Variants in TEX35 observed in about 807,000 individuals in gnomAD.
The protein encoded by TEX35 is testis-expressed protein 35.
Under a neutral mutation model 31.9 loss-of-function variants are expected in TEX35, and 26 were observed. That is an observed-to-expected ratio of 0.81 (90% CI 0.60 to 1.13). The LOEUF is 1.13. Among genes scored for constraint, TEX35 ranks in the 50% most tolerant of loss-of-function variants. TEX35 has a pLI of 0.00. For missense variants in TEX35, 278 were observed against 273.5 expected (o/e 1.02, Z -0.12); for synonymous variants, 87 against 90.7 (o/e 0.96, Z 0.23).
chr1:178,522,457 T>C lies in TEX35; in HGVS notation c.*17T>C. 6.4e-7 allele frequency: 1 copy of C among 1,574,292 alleles called. No homozygotes were observed. The highest frequency in any genetic ancestry group is 8.6e-7 in the Non-Finnish European group (1 of 1,157,702). ...GGAAGGTGAAGCTTAACTGCCAGCTTGAAATGAGAGTAAAGAAGATACAGA... is the reference window on the plus strand; with the variant it reads ...GGAAGGTGAAGCTTAACTGCCAGCTCGAAATGAGAGTAAAGAAGATACAGA... On this transcript the variant is annotated 3_prime_UTR_variant, in exon 9 of 9. Coordinates refer to ENST00000319416, the MANE Select transcript of TEX35 (RefSeq NM_032126.5).
At position 178,522,578 on chromosome 1, in the gene TEX35, A is replaced by T; in HGVS notation, c.*138A>T. 1 of 1,337,308 alleles carries T rather than the reference A, an allele frequency of 7.5e-7. No individual in the cohort carries two copies. The highest frequency in any genetic ancestry group is 9.6e-7 in the Non-Finnish European group (1 of 1,041,190). 82.8% of individuals were successfully genotyped at this position (1,337,308 alleles called of 1,614,324 possible). On this transcript the variant is annotated 3_prime_UTR_variant, in exon 9 of 9. Coordinates refer to ENST00000319416, the MANE Select transcript of TEX35 (RefSeq NM_032126.5). ...GATGGGATTTCATATTTTATTTCAC[A>T]CCAGTTCCTCCTTGTTTCATCTCTT...
At chr1:178,517,939 G>T (rs140318431) in intron 5 of TEX35, among the ~76,000 whole-genome samples, 3 of 152,072 alleles carry the variant, frequency 2.0e-5, no homozygotes, top group African/African-American at 7.2e-5. Context: ...TTTTTTAAAA[G>T]AATTATGACA....
chr1:178,520,804 A>G lies in TEX35; in HGVS notation c.473A>G (p.Lys158Arg). 1 of 1,614,152 alleles carries G rather than the reference A, an allele frequency of 6.2e-7. No individual in the cohort carries two copies. The highest frequency in any genetic ancestry group is 8.5e-7 in the Non-Finnish European group (1 of 1,180,032). Residue 158 changes from lysine to arginine, a missense_variant, in exon 7 of 9, where the codon AAG (lysine) becomes AGG (arginine). Physicochemically the swap from Lys to Arg is conservative, Grantham distance 26. Coordinates refer to ENST00000319416, the MANE Select transcript of TEX35 (RefSeq NM_032126.5). ...GVNGAPCALH[K>R]KTMAPQKTKQ... ...AATGGAGCACCCTGTGCTCTTCACA[A>G]GAAGACGATGGCACCACAAAAAACA...
intron 5 of TEX35, among the ~76,000 whole-genome samples, chr1:178,519,200 A>T (rs1220646996): frequency 6.6e-6 from 1 of 152,160 alleles, no homozygotes; most frequent in Non-Finnish European, 1.5e-5. Flanking sequence ...GTAGGGAAAG[A>T]AGGAAGAGAT....
intron 5 of TEX35, among the ~76,000 whole-genome samples, chr1:178,520,062 C>G (rs1214403378): frequency 6.6e-6 from 1 of 152,146 alleles, no homozygotes; most frequent in Non-Finnish European, 1.5e-5. Flanking sequence ...ATTTTATAGG[C>G]ATCAAACCAA....
downstream of TEX35, chr1:178,523,497 A>T: frequency 2.1e-6 from 1 of 465,296 alleles, no homozygotes; most frequent in East Asian, 3.5e-5. Flanking sequence ...TGCTTCAGAT[A>T]AATATTTAAA....
intron 2 of TEX35, 88 bp from the exon 3 acceptor site, chr1:178,514,612 C>G (rs984437747): frequency 2.2e-6 from 3 of 1,345,746 alleles, no homozygotes; most frequent in Non-Finnish European, 3.1e-6. Flanking sequence ...AAGGGAGGAA[C>G]AGAAACACAG....
intron 2 of TEX35, among the ~76,000 whole-genome samples, chr1:178,514,410 G>C (rs1368982425): frequency 1.3e-5 from 2 of 152,186 alleles, no homozygotes; most frequent in African/African-American, 4.8e-5. Flanking sequence ...GGCAGAGTAA[G>C]AGCCTTCTAG....
chr1:178,513,872 G>A (rs1649966192), intron 1 of TEX35, among the ~76,000 whole-genome samples, 155 bp from the exon 2 acceptor site: 1 of 152,262 alleles, frequency 6.6e-6, no homozygotes, highest in East Asian at 1.9e-4. Context: ...GGATCCGGGT[G>A]CTGCGGGGTC....
intron 1 of TEX35, 84 bp from the exon 2 acceptor site, chr1:178,513,943 G>C (rs1383634972): frequency 2.6e-6 from 4 of 1,515,186 alleles, no homozygotes; most frequent in Non-Finnish European, 3.6e-6. Context: ...GGGGCAGGGG[G>C]CAGGGTTCCC....
rs577998424 is a variant in TEX35 at position 178,513,177 on chromosome 1, G to C, written c.-12G>C. 1.9e-6 allele frequency: 3 copies of C among 1,614,072 alleles called. No individual in the cohort carries two copies. Among genetic ancestry groups the C allele is most frequent in the Non-Finnish European group, 2.5e-6 (3 of 1,180,018 alleles). Reference sequence around the variant, plus strand: ...TTGTGGGGAGTTGAAGAACACCCTGGCCTCCTCCATCATGTCGGCCAAGAG... The same window carrying C: ...TTGTGGGGAGTTGAAGAACACCCTGCCCTCCTCCATCATGTCGGCCAAGAG... On this transcript the variant is annotated 5_prime_UTR_variant, in exon 1 of 9. Coordinates refer to ENST00000319416, the MANE Select transcript of TEX35 (RefSeq NM_032126.5).
chr1:178,515,917 T>A lies in TEX35; in HGVS notation c.216+2T>A, dbSNP rs1206325478. On this transcript the variant is annotated splice_donor_variant, in intron 4 of 8. Transcript: ENST00000319416. LOFTEE classifies it high-confidence loss of function. Reference sequence around the variant, plus strand: ...GAGAAAATGGAGGAGATAAAACAGGTAAGAAGATGAGGCCTTCCATATCAT... The same window carrying A: ...GAGAAAATGGAGGAGATAAAACAGGAAAGAAGATGAGGCCTTCCATATCAT... The A allele has an allele frequency of 4.3e-6, 7 of 1,610,694 alleles. No individual in the cohort carries two copies. The highest frequency in any genetic ancestry group is 5.9e-6 in the Non-Finnish European group (7 of 1,177,346).
chr1:178,519,276 A>C (rs946261539), intron 5 of TEX35, among the ~76,000 whole-genome samples: 1 of 152,188 alleles, frequency 6.6e-6, no homozygotes, highest in Non-Finnish European at 1.5e-5. Flanking sequence ...TGGAGACTGA[A>C]GTCTTGAGAG....
At position 178,520,976 on chromosome 1, in the gene TEX35, G is replaced by A. The variant is rs1650255480; in HGVS notation, c.543+102G>A. On this transcript the variant is annotated intron_variant, in intron 7 of 8. Transcript: ENST00000319416. ...GTGCTGTATCATAGTGAAGGGACAG[G>A]TCCGCCCGCTGCTGACTTCTGGGTG... 3.8e-6 allele frequency: 6 copies of A among 1,560,414 alleles called. No homozygotes were observed. In the East Asian group the frequency reaches 1.2e-4, roughly 31 times the overall value.
chr1:178,518,619 A>G (rs1650161491), intron 5 of TEX35, among the ~76,000 whole-genome samples: 1 of 152,230 alleles, frequency 6.6e-6, no homozygotes, highest in African/African-American at 2.4e-5. Flanking sequence ...GGTTAAAAAA[A>G]ATAAGCAAAT....
intron 6 of TEX35, 34 bp downstream of exon 6, chr1:178,520,470 C>A: frequency 6.2e-7 from 1 of 1,614,132 alleles, no homozygotes; most frequent in African/African-American, 1.3e-5. Context: ...CTCCTCATCC[C>A]TAAAGGGTCT....
At chr1:178,517,909 T>A (rs1003636762) in intron 5 of TEX35, among the ~76,000 whole-genome samples, 4 of 152,222 alleles carry the variant, frequency 2.6e-5, no homozygotes, top group African/African-American at 9.6e-5. Flanking sequence ...GACATATTGA[T>A]ATATTTAACT....
At chr1:178,520,925 G>A (rs376820846) in intron 7 of TEX35, 51 bp downstream of exon 7, 60 of 1,605,526 alleles carry the variant, frequency 3.7e-5, no homozygotes, top group African/African-American at 5.3e-5. Context: ...CCCTGGCTCC[G>A]GCTCCCTGGT....
Position 178,521,514 on chromosome 1 carries a change from C to G in TEX35, c.586+250C>G, listed in dbSNP as rs117268938. 7.6e-6 allele frequency: 9 copies of G among 1,188,798 alleles called. No individual in the cohort carries two copies. The South Asian group carries it at 1.2e-4, about 16-fold the overall frequency. 73.6% of individuals were successfully genotyped at this position (1,188,798 alleles called of 1,614,324 possible). A position where few individuals can be genotyped will look rare whatever the true frequency, so the allele number is the denominator to read the frequency against. On this transcript the variant is annotated intron_variant, in intron 8 of 8. Transcript: ENST00000319416. ...GGTGGGGAGGGTGCACCACTAGTGG[C>G]GGAACTGACCTTGCCTCAGGTCCTG... is the stretch of plus-strand genomic sequence containing the variant.
Sources: gnomAD v4.1 joint callset for allele counts (sites outside exome capture counted in the v4.1 genomes callset) on GRCh38, gnomAD v4.1.1 for gene constraint, MANE v1.5 for transcripts, NCBI Gene and HGNC (gene_info 2026-07-23, HGNC 2026-07-21) for gene names.